FAM174B: variants seen among roughly 807,000 people sequenced by gnomAD.
FAM174B encodes the protein family with sequence similarity 174 member B, also known as membrane protein FAM174B.
In FAM174B, 12 loss-of-function variants were observed where a neutral mutation model predicts 10.9. The ratio of observed to expected loss-of-function variants is 1.10; its 90% CI spans 0.71 to 1.79. FAM174B has a LOEUF of 1.79. FAM174B is among the 40% of genes most tolerant of loss of function. The probability of loss-of-function intolerance (pLI) is 0.00; values close to 1 mark genes in which losing one functional copy is unlikely to be tolerated. For synonymous variants in FAM174B, 132 were observed against 115.8 expected, an observed-to-expected ratio of 1.14 and a Z score of -0.90; for missense variants, 266 against 233.3, an observed-to-expected ratio of 1.14 and a Z score of -0.91.
At chr15:92,634,966 G>T (rs1283735530) in intron 1 of FAM174B, among the ~76,000 whole-genome samples, 1 of 152,108 alleles carries the variant, frequency 6.6e-6, no homozygotes, top group African/African-American at 2.4e-5. Flanking sequence ...TCGGCTCTTT[G>T]TGAGTCTGCA....
At chr15:92,630,789 A>G (rs2050789398) in intron 1 of FAM174B, among the ~76,000 whole-genome samples, 1 of 83,178 alleles carries the variant, frequency 1.2e-5, no homozygotes. Flanking sequence ...TTTATATATT[A>G]CATATTACAT....
At chr15:92,654,811 G>A (rs1032470556) in intron 1 of FAM174B, among the ~76,000 whole-genome samples, 3 of 150,630 alleles carry the variant, frequency 2.0e-5, no homozygotes, top group Admixed American at 2.0e-4. Flanking sequence ...AGAAGAAGAA[G>A]AAGAAGAAGA....
At chr15:92,645,264 C>T (rs1567049260) in intron 1 of FAM174B, among the ~76,000 whole-genome samples, 1 of 152,238 alleles carries the variant, frequency 6.6e-6, no homozygotes, top group Non-Finnish European at 1.5e-5. Context: ...GGCACCATCC[C>T]ATTGGGGTTA....
rs567417371 is a variant in FAM174B, at chr15:92,645,729, T to C, written c.344+9587A>G. On this transcript the variant is annotated intron_variant, in intron 1 of 2. Coordinates refer to ENST00000327355, the MANE Select transcript of FAM174B (RefSeq NM_207446.3). ...GCGGCAAGATGACCCAGAGGGGCCC[T>C]TGGTGGACCCAGGGGACCTGACCAC... 8 of 152,388 alleles carry C rather than the reference T, an allele frequency of 5.2e-5. No homozygotes were observed. The South Asian group carries it at 8.3e-4, about 16-fold the overall frequency. The allele number at this position is 152,388 out of a possible 1,614,324, so 9.4% of individuals were successfully genotyped here.
chr15:92,630,680 C>G (rs2050787147), intron 1 of FAM174B, among the ~76,000 whole-genome samples: 1 of 142,578 alleles, frequency 7.0e-6, no homozygotes, highest in Non-Finnish European at 1.5e-5. Flanking sequence ...TACACAAATG[C>G]AATATATATT....
At chr15:92,637,052 G>C (rs767158384) in intron 1 of FAM174B, among the ~76,000 whole-genome samples, 2 of 152,192 alleles carry the variant, frequency 1.3e-5, no homozygotes, top group African/African-American at 2.4e-5. Context: ...CTGTGCCCTG[G>C]GTGAAGCCCC....
chr15:92,654,491 G>T (rs570220344), intron 1 of FAM174B, among the ~76,000 whole-genome samples: 54 of 152,280 alleles, frequency 3.5e-4, no homozygotes, highest in African/African-American at 1.3e-3. Context: ...GATGGACAGG[G>T]ATCAAGGACC....
chr15:92,630,822 CA>C (rs2050790635), intron 1 of FAM174B, among the ~76,000 whole-genome samples: 1 of 24,692 alleles, frequency 4.0e-5, no homozygotes, highest in African/African-American at 8.0e-5. Flanking sequence ...TTATATATTA[CA>C]TATTATATAT....
At chr15:92,622,935 C>T (rs1292396594) in intron 2 of FAM174B, among the ~76,000 whole-genome samples, 2 of 152,140 alleles carry the variant, frequency 1.3e-5, no homozygotes, top group African/African-American at 4.8e-5. Context: ...ATGGGCAGAT[C>T]ACTTGAGGTC....
At chr15:92,644,959 T>C (rs550857492) in intron 1 of FAM174B, among the ~76,000 whole-genome samples, 1 of 152,310 alleles carries the variant, frequency 6.6e-6, no homozygotes, top group African/African-American at 2.4e-5. Flanking sequence ...ACTATCTTAG[T>C]TTTTAAAACA....
In FAM174B at chr15:92,640,349, C is replaced by T. The variant is rs113158077; in HGVS notation, c.345-10004G>A. On this transcript the variant is annotated intron_variant, in intron 1 of 2. Coordinates refer to ENST00000327355, the MANE Select transcript of FAM174B (RefSeq NM_207446.3). The stretch of plus-strand genomic sequence containing the variant: ...GGCAGATCACCTGAGGTCAGGAGTT[C>T]GAGACCAGCCTAGCTAACATGGTGA... Among the ~76,000 whole-genome samples, 532 of 151,888 alleles carry T rather than the reference C, an allele frequency of 3.5e-3. 4 individuals are homozygous for T. Among genetic ancestry groups the T allele is most frequent in the African/African-American group, 0.011 (471 of 41,442 alleles).
chr15:92,655,724 C>T lies in FAM174B; in HGVS notation c.-65G>A, dbSNP rs2051001507. ...GGCTGAGCTCCAGGATCCGCACCAG[C>T]ACGGAGGCCTGCACCGGGGGATCCT... On this transcript the variant is annotated 5_prime_UTR_variant, in exon 1 of 3. Coordinates refer to ENST00000327355, the MANE Select transcript of FAM174B (RefSeq NM_207446.3). The T allele has an allele frequency of 1.7e-6, 2 of 1,191,474 alleles. No individual in the cohort carries two copies. Among genetic ancestry groups the T allele is most frequent in the Admixed American group, 4.1e-5 (1 of 24,268 alleles). The allele number at this position is 1,191,474 out of a possible 1,614,324, so 73.8% of individuals were successfully genotyped here.
chr15:92,630,401 G>C, intron 1 of FAM174B, 56 bp from the exon 2 acceptor site: 2 of 1,541,076 alleles, frequency 1.3e-6, no homozygotes, highest in Non-Finnish European at 1.8e-6. Flanking sequence ...AGAGTCACTG[G>C]GCCCCAAGCC....
intron 1 of FAM174B, among the ~76,000 whole-genome samples, chr15:92,654,368 G>C (rs1052426004): frequency 6.6e-6 from 1 of 152,186 alleles, no homozygotes; most frequent in Non-Finnish European, 1.5e-5. Context: ...CACACACCCA[G>C]ACTTCCAGGC....
At chr15:92,622,368 C>T (rs1260222086) in intron 2 of FAM174B, among the ~76,000 whole-genome samples, 1 of 152,266 alleles carries the variant, frequency 6.6e-6, no homozygotes, top group African/African-American at 2.4e-5. Context: ...TGGACACCAG[C>T]TCTCTGGGTC....
chr15:92,655,419 TG>T lies in FAM174B; in HGVS notation c.240del (p.Ile81PhefsTer15). Reference sequence around the variant, plus strand: ...GGTAGGTCGCGGAGGAGGATGGAAATGCGGGTCACCAAGGCGTCGCCACTGC... The same window carrying T: ...GGTAGGTCGCGGAGGAGGATGGAAATCGGGTCACCAAGGCGTCGCCACTGC... ...SNSSGDALVTRISILLRDLPT... is the reference protein window; with the variant it reads ...SNSSGDALVTXISILLRDLPT... On this transcript the variant is annotated frameshift_variant, in exon 1 of 3. Coordinates refer to ENST00000327355, the MANE Select transcript of FAM174B (RefSeq NM_207446.3). LOFTEE classifies it high-confidence loss of function. 4 of 1,597,640 alleles carry T rather than the reference TG, an allele frequency of 2.5e-6. No homozygotes were observed. Among genetic ancestry groups the T allele is most frequent in the Non-Finnish European group, 3.4e-6 (4 of 1,174,116 alleles).
At chr15:92,630,818 A>G (rs1276066582) in intron 1 of FAM174B, among the ~76,000 whole-genome samples, 1 of 28,168 alleles carries the variant, frequency 3.6e-5, no homozygotes, top group Non-Finnish European at 1.4e-4. Context: ...TATTTTATAT[A>G]TTACATATTA....
chr15:92,623,715 C>T (rs1409805532), intron 2 of FAM174B, among the ~76,000 whole-genome samples: 1 of 152,218 alleles, frequency 6.6e-6, no homozygotes, highest in African/African-American at 2.4e-5. Context: ...ACGCAGTGGC[C>T]TTATGAGTGA....
chr15:92,617,709 T>G lies in FAM174B; in HGVS notation c.*1747A>C, dbSNP rs1042848434. ...CAGCTGCGAGGTGGCCAGGCTCCCG[T>G]GAGTCACCACTCAGGCCTGAGTACA... is the stretch of plus-strand genomic sequence containing the variant. On this transcript the variant is annotated 3_prime_UTR_variant, in exon 3 of 3. Coordinates refer to ENST00000327355, the MANE Select transcript of FAM174B (RefSeq NM_207446.3). 4 of 682,086 alleles carry G rather than the reference T, an allele frequency of 5.9e-6. No individual in the cohort carries two copies. The highest frequency in any genetic ancestry group is 1.1e-5 in the Non-Finnish European group (4 of 377,714). The allele number at this position is 682,086 out of a possible 1,614,324, so 42.3% of individuals were successfully genotyped here. A position where few individuals can be genotyped will look rare whatever the true frequency, so the allele number is the denominator to read the frequency against.
Sources: allele counts gnomAD v4.1 joint callset (sites outside exome capture counted in the v4.1 genomes callset), GRCh38; gene constraint gnomAD v4.1.1; transcripts MANE v1.5; gene names NCBI Gene and HGNC (gene_info 2026-07-23, HGNC 2026-07-21).